Variants in AAK1 observed in about 807,000 individuals in gnomAD.
The protein encoded by AAK1 is AP2 associated kinase 1.
AAK1 carries 37 observed loss-of-function variants against 116.0 expected under a neutral mutation model. The ratio of observed to expected loss-of-function variants is 0.32; its 90% CI spans 0.25 to 0.42. The LOEUF (loss-of-function observed/expected upper bound fraction) is 0.42, where lower values mean the gene tolerates loss of function less well. Ranked by LOEUF, AAK1 falls within the 10% of genes least tolerant of loss-of-function variation. The pLI, the probability that AAK1 is intolerant of heterozygous loss-of-function variation, is 1.00. For synonymous variants in AAK1, 458 were observed against 439.9 expected, an observed-to-expected ratio of 1.04 and a Z score of -0.51; for missense variants, 919 against 1,170.6, an observed-to-expected ratio of 0.79 and a Z score of 3.14.
At chr2:69,502,402 AC>A (rs1676012525) in intron 16 of AAK1, among the ~76,000 whole-genome samples, 1 of 151,828 alleles carries the variant, frequency 6.6e-6, no homozygotes, top group Non-Finnish European at 1.5e-5. Context: ...CGGGAGGATC[AC>A]CTGAGGTCAG....
intron 16 of AAK1, among the ~76,000 whole-genome samples, chr2:69,497,425 C>T: frequency 6.6e-6 from 1 of 150,830 alleles, no homozygotes; most frequent in South Asian, 2.1e-4. Context: ...CCTCAGCCTC[C>T]CGAGTAGCTG....
At chr2:69,480,738 A>C (rs1409274592) in intron 19 of AAK1, 122 bp downstream of exon 19, 1 of 716,032 alleles carries the variant, frequency 1.4e-6, no homozygotes, top group Non-Finnish European at 2.2e-6. Flanking sequence ...CAGAGTGTCC[A>C]TTTCAGGAGG....
In AAK1 at chr2:69,468,110, A is replaced by G. The variant is rs777729817; in HGVS notation, c.*7759T>C. Reference sequence around the variant, plus strand: ...CTTTCAGAATAGTATTTGAAGAATAAGATTTTGAAAAGAATAAATTTTTCC... The same window carrying G: ...CTTTCAGAATAGTATTTGAAGAATAGGATTTTGAAAAGAATAAATTTTTCC... On this transcript the variant is annotated 3_prime_UTR_variant, in exon 22 of 22. Coordinates refer to ENST00000409085, the MANE Select transcript of AAK1 (RefSeq NM_014911.5). 1.7e-5 allele frequency: 17 copies of G among 985,326 alleles called. No homozygotes were observed. The highest frequency in any genetic ancestry group is 1.9e-5 in the Non-Finnish European group (16 of 829,820). The allele number at this position is 985,326 out of a possible 1,614,324, so 61.0% of individuals were successfully genotyped here.
At chr2:69,595,094 G>T in intron 2 of AAK1, 1 of 653,310 alleles carries the variant, frequency 1.5e-6, no homozygotes, top group Admixed American at 1.9e-5. Flanking sequence ...AAAAAGCTAG[G>T]ATTTTGTTTC....
intron 14 of AAK1, among the ~76,000 whole-genome samples, chr2:69,507,796 T>C (rs1421366649): frequency 6.6e-6 from 1 of 151,716 alleles, no homozygotes; most frequent in Admixed American, 6.6e-5. Context: ...AACCTCCGTC[T>C]CCCAGGTTCA....
intron 17 of AAK1, among the ~76,000 whole-genome samples, chr2:69,488,653 C>T (rs1675397688): frequency 6.6e-6 from 1 of 152,128 alleles, no homozygotes; most frequent in South Asian, 2.1e-4. Flanking sequence ...GGTCACCAAG[C>T]CACAGGTGCC....
At position 69,468,391 on chromosome 2, in the gene AAK1, G is replaced by A; in HGVS notation, c.*7478C>T. Reference sequence around the variant, plus strand: ...CAGAGCCTTAAAGAAGGACAAGAGGGCCCTAAAACTCCTTGAACCACCTTC... The same window carrying A: ...CAGAGCCTTAAAGAAGGACAAGAGGACCCTAAAACTCCTTGAACCACCTTC... On this transcript the variant is annotated 3_prime_UTR_variant, in exon 22 of 22. Coordinates refer to ENST00000409085, the MANE Select transcript of AAK1 (RefSeq NM_014911.5). The A allele has an allele frequency of 9.1e-6, 9 of 985,358 alleles. No homozygotes were observed. Among genetic ancestry groups the A allele is most frequent in the Non-Finnish European group, 1.1e-5 (9 of 829,896 alleles). The allele number at this position is 985,358 out of a possible 1,614,324, so 61.0% of individuals were successfully genotyped here.
At chr2:69,518,348 G>A (rs1572916272) in intron 12 of AAK1, among the ~76,000 whole-genome samples, 1 of 150,446 alleles carries the variant, frequency 6.6e-6, no homozygotes, top group East Asian at 1.9e-4. Flanking sequence ...CCTCTCTTAT[G>A]ATAATGGTGT....
chr2:69,632,421 T>G (rs563139973), intron 2 of AAK1, among the ~76,000 whole-genome samples: 1 of 152,198 alleles, frequency 6.6e-6, no homozygotes, highest in Non-Finnish European at 1.5e-5. Context: ...AAAGATCCCA[T>G]AGTGCACAAG....
intron 5 of AAK1, among the ~76,000 whole-genome samples, chr2:69,539,289 C>T (rs1054514456): frequency 6.6e-6 from 1 of 152,102 alleles, no homozygotes; most frequent in South Asian, 2.1e-4. Flanking sequence ...TTTGGCAATA[C>T]GGAGGAAGCT....
At chr2:69,556,234 C>T (rs1206417813) in intron 3 of AAK1, among the ~76,000 whole-genome samples, 4 of 152,252 alleles carry the variant, frequency 2.6e-5, no homozygotes, top group African/African-American at 9.6e-5. Context: ...TCCCCGTATA[C>T]CCATTTCTAG....
chr2:69,564,260 T>C (rs1234688888), intron 2 of AAK1, among the ~76,000 whole-genome samples: 2 of 151,856 alleles, frequency 1.3e-5, no homozygotes, highest in East Asian at 3.9e-4. Context: ...CTATTTAAAC[T>C]GGGTTCCTCC....
At position 69,459,857 on chromosome 2, in the gene AAK1, G is replaced by A. The variant is rs1252444051; in HGVS notation, c.*16012C>T. On this transcript the variant is annotated 3_prime_UTR_variant, in exon 22 of 22. Coordinates refer to ENST00000409085, the MANE Select transcript of AAK1 (RefSeq NM_014911.5). ...TTCTTTTCCTTTAGTGATGTTTTCA[G>A]TAACAAACTTGCAAGTGTTCTTGGT... 1.3e-5 allele frequency: 2 copies of A among 151,742 alleles called. No individual in the cohort carries two copies. The highest frequency in any genetic ancestry group is 1.5e-5 in the Non-Finnish European group (1 of 67,930). The allele number at this position is 151,742 out of a possible 1,614,324, so 9.4% of individuals were successfully genotyped here.
rs1183432333 is a variant in AAK1 at position 69,615,647 on chromosome 2, A to C, written c.163+27231T>G. ...ATGAAAGAAACTGTACTCACACAGAAAGAAAGTGGAAAGCAAGAAACTGTG... is the reference window on the plus strand; with the variant it reads ...ATGAAAGAAACTGTACTCACACAGACAGAAAGTGGAAAGCAAGAAACTGTG... On this transcript the variant is annotated intron_variant, in intron 2 of 21. Coordinates refer to ENST00000409085, the MANE Select transcript of AAK1 (RefSeq NM_014911.5). 2.0e-5 allele frequency among the ~76,000 whole-genome samples: 3 copies of C among 152,204 alleles called. No homozygotes were observed. In the East Asian group the frequency reaches 5.8e-4, roughly 29 times the overall value.
chr2:69,520,360 T>TTC (rs796368396), intron 11 of AAK1, among the ~76,000 whole-genome samples: 2 of 144,348 alleles, frequency 1.4e-5, no homozygotes, highest in African/African-American at 5.1e-5. Flanking sequence ...ATTCTTTTCT[T>TTC]TTTTTTTTTT....
chr2:69,631,851 G>A (rs186795659), intron 2 of AAK1, among the ~76,000 whole-genome samples: 3 of 152,188 alleles, frequency 2.0e-5, no homozygotes, highest in Admixed American at 1.3e-4. Context: ...GTGGTGGTGC[G>A]CACCTGTGGT....
intron 2 of AAK1, among the ~76,000 whole-genome samples, chr2:69,600,562 CA>C (rs1313653952): frequency 6.6e-6 from 1 of 152,146 alleles, no homozygotes; most frequent in Non-Finnish European, 1.5e-5. Flanking sequence ...ATCTCATGAT[CA>C]AACTTGAACG....
rs190736956 is a variant in AAK1 at position 69,609,975 on chromosome 2, G to A, written c.163+32903C>T. On this transcript the variant is annotated intron_variant, in intron 2 of 21. Transcript: ENST00000409085. ...TGAGGCAAGAGAATGGCGTGAACCC[G>A]GGAGGCGGAGCTTTGCAGTGAGCCG... Among the ~76,000 whole-genome samples the A allele has an allele frequency of 4.2e-4, 60 of 142,946 alleles. No homozygotes were observed. In the East Asian group the frequency reaches 7.1e-3, roughly 17 times the overall value. The allele number at this position is 142,946 out of a possible 152,430, so 93.8% of individuals were successfully genotyped here.
Position 69,473,985 on chromosome 2 carries a change from G to A in AAK1, c.*1884C>T. 1 of 985,670 alleles carries A rather than the reference G, an allele frequency of 1.0e-6. No individual in the cohort carries two copies. Among genetic ancestry groups the A allele is most frequent in the Non-Finnish European group, 1.2e-6 (1 of 829,900 alleles). 61.1% of individuals were successfully genotyped at this position (985,670 alleles called of 1,614,324 possible). A position where few individuals can be genotyped will look rare whatever the true frequency, so the allele number is the denominator to read the frequency against. ...GGAAGCTTGTGCCTCTCTCAGTTTT[G>A]GAAATGGTCTGTTATTCAACTAGAG... On this transcript the variant is annotated 3_prime_UTR_variant, in exon 22 of 22. Transcript: ENST00000409085.
Sources: allele counts gnomAD v4.1 joint callset (sites outside exome capture counted in the v4.1 genomes callset), GRCh38; gene constraint gnomAD v4.1.1; transcripts MANE v1.5; gene names NCBI Gene and HGNC (gene_info 2026-07-23, HGNC 2026-07-21).